The following H2AJ variants were observed in gnomAD, a reference collection of about 807,000 sequenced individuals.
H2AJ encodes the protein histone H2A.J.
A neutral mutation model predicts 7.9 loss-of-function variants in H2AJ; 3 were observed. That is an observed-to-expected ratio of 0.38 (90% CI 0.17 to 0.98). The LOEUF (loss-of-function observed/expected upper bound fraction) is 0.98. Ranked by LOEUF, H2AJ falls within the 50% of genes least tolerant of loss-of-function variation. The pLI, the probability that H2AJ is intolerant of heterozygous loss-of-function variation, is 0.39. For synonymous variants in H2AJ, 98 were observed against 85.7 expected (o/e 1.14, Z -0.79); for missense variants, 128 against 174.4 (o/e 0.73, Z 1.50).
At chr12:14,776,208 T>C (rs1462627664), downstream of H2AJ, 1 of 167,190 alleles carries the variant, frequency 6.0e-6, no homozygotes, top group Non-Finnish European at 1.5e-5. Context: ...ACATGGACTT[T>C]ATTTTGTCCC....
In H2AJ at chr12:14,774,417, C is replaced by A; in HGVS notation, c.-54C>A. ...GGTGCGGTACGTTGCATTCCGGTAC[C>A]GGACGCCGAGAGCGGTTTGTCTCCG... On this transcript the variant is annotated 5_prime_UTR_variant, in exon 1 of 1. Coordinates refer to ENST00000544848, the MANE Select transcript of H2AJ (RefSeq NM_177925.5). 6.6e-7 allele frequency: 1 copy of A among 1,521,380 alleles called. No individual in the cohort carries two copies. The highest frequency in any genetic ancestry group is 1.3e-5 in the South Asian group (1 of 76,322). The allele number at this position is 1,521,380 out of a possible 1,614,324, so 94.2% of individuals were successfully genotyped here. A position where few individuals can be genotyped will look rare whatever the true frequency, so the allele number is the denominator to read the frequency against.
At chr12:14,775,267 A>G (rs959467202), downstream of H2AJ, 17 of 476,352 alleles carry the variant, frequency 3.6e-5, no homozygotes, top group East Asian at 3.4e-4. Flanking sequence ...CTCCTTCGGA[A>G]TTATTTTTAC....
chr12:14,775,813 T>A (rs1407635056), downstream of H2AJ: 1 of 200,344 alleles, frequency 5.0e-6, no homozygotes, highest in Non-Finnish European at 1.1e-5. Flanking sequence ...TTGAACTCTC[T>A]TATATTCTCC....
chr12:14,774,557 C>A lies in H2AJ; in HGVS notation c.87C>A (p.Gly29=). The change falls in exon 1 of 1, where the codon GGC becomes GGA. Residue 29 remains glycine (G), a synonymous_variant. Coordinates refer to ENST00000544848, the MANE Select transcript of H2AJ (RefSeq NM_177925.5). The stretch of plus-strand genomic sequence containing the variant: ...GCGCGGGCCTGCAGTTCCCGGTGGG[C>A]CGAGTGCACAGACTGCTGCGCAAAG... ...SSRAGLQFPV[G]RVHRLLRKGN... is the part of the protein sequence containing the mutation. 1.9e-6 allele frequency: 3 copies of A among 1,613,482 alleles called. No individual in the cohort carries two copies. The highest frequency in any genetic ancestry group is 2.5e-6 in the Non-Finnish European group (3 of 1,179,752).
At chr12:14,777,565 G>A (rs1269207559), downstream of H2AJ, 2 of 167,018 alleles carry the variant, frequency 1.2e-5, no homozygotes, top group African/African-American at 4.8e-5. Flanking sequence ...CCTTCCAGTG[G>A]TTGAAAGGTC....
rs1486433750 is a variant in H2AJ at position 14,774,888 on chromosome 12, TC to T, written c.*33del. ...CTGACGCCGCCCTCAGGGAGCTGGC[TC>T]CCCCAGCAAAGGCCCTTTTCATGGT... On this transcript the variant is annotated 3_prime_UTR_variant, in exon 1 of 1. Coordinates refer to ENST00000544848, the MANE Select transcript of H2AJ (RefSeq NM_177925.5). 1.2e-6 allele frequency: 2 copies of T among 1,604,888 alleles called. No homozygotes were observed.
downstream of H2AJ, chr12:14,777,778 A>T (rs558886805): frequency 6.0e-6 from 1 of 167,244 alleles, no homozygotes; most frequent in South Asian, 2.1e-4. Flanking sequence ...TAAGATTCCC[A>T]TATAGAAATA....
downstream of H2AJ, chr12:14,777,130 A>C (rs186800409): frequency 4.2e-5 from 7 of 167,064 alleles, no homozygotes; most frequent in Admixed American, 2.0e-4. Context: ...CGGGCTGTTT[A>C]AAATGCATAC....
downstream of H2AJ, chr12:14,775,218 CAGT>C: frequency 2.1e-6 from 1 of 485,064 alleles, no homozygotes; most frequent in Admixed American, 2.3e-5. Context: ...ACCTCGCTGT[CAGT>C]AGGGCAAAGG....
downstream of H2AJ, chr12:14,777,365 TAAGC>T (rs1253546444): frequency 1.2e-5 from 2 of 167,088 alleles, no homozygotes; most frequent in East Asian, 1.9e-4. Flanking sequence ...CCTGCAGAGA[TAAGC>T]AAGCCGTTCA....
downstream of H2AJ, chr12:14,777,078 A>G (rs978540770): frequency 6.0e-6 from 1 of 165,852 alleles, no homozygotes; most frequent in African/African-American, 2.4e-5. Flanking sequence ...GCCCCTCACC[A>G]TTTTTGTTTT....
rs767174375 is a variant in H2AJ, at chr12:14,774,904, C to T, written c.*44C>T. ...GGAGCTGGCTCCCCCAGCAAAGGCC[C>T]TTTTCATGGTCGTCCCGCAATGCTT... On this transcript the variant is annotated 3_prime_UTR_variant, in exon 1 of 1. Coordinates refer to ENST00000544848, the MANE Select transcript of H2AJ (RefSeq NM_177925.5). The T allele has an allele frequency of 6.3e-7, 1 of 1,588,366 alleles. No homozygotes were observed. Among genetic ancestry groups the T allele is most frequent in the Admixed American group, 1.8e-5 (1 of 56,016 alleles).
At chr12:14,776,397 T>A (rs1308206846), downstream of H2AJ, 1 of 167,160 alleles carries the variant, frequency 6.0e-6, no homozygotes. Context: ...CTGTTAGTAC[T>A]TGTACCTCTC....
chr12:14,777,769 A>G (rs1949659994), downstream of H2AJ: 1 of 167,104 alleles, frequency 6.0e-6, no homozygotes, highest in African/African-American at 2.4e-5. Context: ...TGAGGACACT[A>G]AGATTCCCAT....
At chr12:14,775,550 G>T (rs1476226741), downstream of H2AJ, 4 of 382,522 alleles carry the variant, frequency 1.0e-5, no homozygotes, top group Non-Finnish European at 2.2e-5. Context: ...TTTTTTTAAT[G>T]AAGGAAACGT....
At position 14,775,003 on chromosome 12, in the gene H2AJ, C is replaced by T; in HGVS notation, c.*143C>T. 1 of 953,434 alleles carries T rather than the reference C, an allele frequency of 1.0e-6. No homozygotes were observed. Among genetic ancestry groups the T allele is most frequent in the Non-Finnish European group, 1.6e-6 (1 of 642,502 alleles). The allele number at this position is 953,434 out of a possible 1,614,324, so 59.1% of individuals were successfully genotyped here. On this transcript the variant is annotated 3_prime_UTR_variant, in exon 1 of 1. Transcript: ENST00000544848. ...TGGGCGGCGAGGGTCCCGGCGGGAG[C>T]CAATAAAGTTGGTGAAAATCGTTTG...
At chr12:14,775,044 T>A, downstream of H2AJ, 2 of 718,564 alleles carry the variant, frequency 2.8e-6, no homozygotes, top group Non-Finnish European at 4.6e-6. Flanking sequence ...GAGAGCTGTG[T>A]AGTCGCGGGG....
At chr12:14,776,088 T>C (rs1949636525), downstream of H2AJ, 2 of 167,118 alleles carry the variant, frequency 1.2e-5, no homozygotes, top group African/African-American at 4.8e-5. Flanking sequence ...CCAGTACAGA[T>C]TTCACATCTT....
chr12:14,774,876 CAG>C lies in H2AJ; in HGVS notation c.*17_*18del. The C allele has an allele frequency of 6.2e-7, 1 of 1,610,342 alleles. No homozygotes were observed. The highest frequency in any genetic ancestry group is 8.5e-7 in the Non-Finnish European group (1 of 1,178,044). On this transcript the variant is annotated 3_prime_UTR_variant, in exon 1 of 1. Coordinates refer to ENST00000544848, the MANE Select transcript of H2AJ (RefSeq NM_177925.5). ...GAGCAAATGACCCTGACGCCGCCCT[CAG>C]GGAGCTGGCTCCCCCAGCAAAGGCC...
Sources: allele counts gnomAD v4.1 joint callset, GRCh38; gene constraint gnomAD v4.1.1; transcripts MANE v1.5; gene names NCBI Gene and HGNC (gene_info 2026-07-23, HGNC 2026-07-21).